Variants in ZNF385D observed in about 807,000 individuals in gnomAD.
ZNF385D encodes the protein zinc finger protein 659.
A neutral mutation model predicts 35.8 loss-of-function variants in ZNF385D; 15 were observed. The observed-to-expected ratio is 0.42, with a 90% CI of 0.28 to 0.64. The LOEUF (loss-of-function observed/expected upper bound fraction) is 0.64, where lower values mean the gene tolerates loss of function less well. ZNF385D is among the 30% of genes least tolerant of loss of function. The pLI is 0.23. For missense variants in ZNF385D, 474 were observed against 494.6 expected (o/e 0.96, Z 0.39); for synonymous variants, 212 against 186.8 (o/e 1.13, Z -1.10).
intron 2 of ZNF385D, among the ~76,000 whole-genome samples, chr3:22,311,889 G>C (rs1330860288): frequency 6.6e-6 from 1 of 152,048 alleles, no homozygotes; most frequent in Admixed American, 6.6e-5. Context: ...ATTTTGTCAA[G>C]TGGCATACTT....
At chr3:21,440,697 T>C (rs1047015271) in intron 4 of ZNF385D, among the ~76,000 whole-genome samples, 4 of 152,182 alleles carry the variant, frequency 2.6e-5, no homozygotes, top group Non-Finnish European at 1.5e-5. Context: ...CTTTCTGATA[T>C]ATTCTTGAAT....
intron 3 of ZNF385D, among the ~76,000 whole-genome samples, chr3:21,848,542 T>TA (rs1696162993): frequency 6.6e-6 from 1 of 151,210 alleles, no homozygotes; most frequent in African/African-American, 2.4e-5. Flanking sequence ...ATATCAGAAG[T>TA]AAAAAGGAGA....
At chr3:21,619,439 T>C (rs1350459721) in intron 2 of ZNF385D, among the ~76,000 whole-genome samples, 1 of 151,878 alleles carries the variant, frequency 6.6e-6, no homozygotes. Context: ...TGTGTGTGTG[T>C]CTATGCATGT....
At chr3:21,511,604 T>C (rs1439142722) in intron 3 of ZNF385D, 1 of 432,712 alleles carries the variant, frequency 2.3e-6, no homozygotes, top group Non-Finnish European at 4.6e-6. Context: ...TTTCAGATTC[T>C]TTCTCCTCAC....
intron 4 of ZNF385D, among the ~76,000 whole-genome samples, chr3:21,481,534 G>GC (rs1266384333): frequency 6.6e-6 from 1 of 152,042 alleles, no homozygotes; most frequent in African/African-American, 2.4e-5. Context: ...CAGATAGCTT[G>GC]TTTTTTTCCT....
intron 1 of ZNF385D, among the ~76,000 whole-genome samples, chr3:21,672,021 C>G (rs1349759079): frequency 6.6e-6 from 1 of 152,088 alleles, no homozygotes; most frequent in African/African-American, 2.4e-5. Context: ...GTCTGCCTCT[C>G]AAATATTCAA....
chr3:21,485,145 A>G (rs1033759558), intron 4 of ZNF385D, among the ~76,000 whole-genome samples: 1 of 152,148 alleles, frequency 6.6e-6, no homozygotes, highest in Admixed American at 6.6e-5. Context: ...GAAACTTTCC[A>G]TGTCCTAAGT....
intron 3 of ZNF385D, among the ~76,000 whole-genome samples, chr3:21,862,293 CT>C (rs5847143): frequency 0.058 from 8,243 of 142,652 alleles, 291 homozygotes; most frequent in Non-Finnish European, 0.079. Flanking sequence ...GATATCTCTA[CT>C]TTTTTTTTTT....
At chr3:21,594,227 C>T (rs1218954791) in intron 2 of ZNF385D, among the ~76,000 whole-genome samples, 1 of 152,184 alleles carries the variant, frequency 6.6e-6, no homozygotes, top group Non-Finnish European at 1.5e-5. Flanking sequence ...ATCATTCACA[C>T]TTATTTTGCA....
intron 3 of ZNF385D, among the ~76,000 whole-genome samples, chr3:22,008,657 G>C (rs560655126): frequency 6.6e-6 from 1 of 151,888 alleles, no homozygotes; most frequent in Admixed American, 6.6e-5. Context: ...CGCCCAGCCC[G>C]GGCCATGCTT....
intron 1 of ZNF385D, among the ~76,000 whole-genome samples, chr3:21,741,177 G>C (rs2069498333): frequency 6.6e-6 from 1 of 152,150 alleles, no homozygotes; most frequent in Non-Finnish European, 1.5e-5. Flanking sequence ...AGGAAACCAA[G>C]AGGTCCATAA....
intron 3 of ZNF385D, among the ~76,000 whole-genome samples, chr3:21,828,366 T>A (rs1392797013): frequency 1.3e-5 from 2 of 152,226 alleles, no homozygotes; most frequent in Admixed American, 1.3e-4. Context: ...ATTTTAAACA[T>A]CTTCTGAATG....
chr3:22,019,621 C>T (rs1697107038), intron 3 of ZNF385D, among the ~76,000 whole-genome samples: 1 of 151,806 alleles, frequency 6.6e-6, no homozygotes, highest in African/African-American at 2.4e-5. Context: ...TTGCAATAAT[C>T]AAAGATTTCT....
chr3:21,858,888 G>A (rs534337843), intron 3 of ZNF385D, among the ~76,000 whole-genome samples: 1 of 152,112 alleles, frequency 6.6e-6, no homozygotes, highest in Admixed American at 6.5e-5. Context: ...ACCTCACAGT[G>A]CCAGTGAATC....
chr3:22,015,229 T>C (rs1696812248), intron 3 of ZNF385D, among the ~76,000 whole-genome samples: 1 of 152,196 alleles, frequency 6.6e-6, no homozygotes, highest in Admixed American at 6.5e-5. Context: ...ATGCGTTTTA[T>C]AGCAGCACTT....
chr3:21,785,521 G>A (rs2071654801), intron 3 of ZNF385D, among the ~76,000 whole-genome samples: 1 of 152,150 alleles, frequency 6.6e-6, no homozygotes, highest in Non-Finnish European at 1.5e-5. Context: ...AACTTGAATA[G>A]CTAAAGCTTT....
At chr3:21,965,293 C>A (rs1033922889) in intron 3 of ZNF385D, among the ~76,000 whole-genome samples, 2 of 152,056 alleles carry the variant, frequency 1.3e-5, no homozygotes, top group African/African-American at 4.8e-5. Context: ...CAAATGAATG[C>A]CACATATTGG....
intron 2 of ZNF385D, among the ~76,000 whole-genome samples, chr3:21,660,624 A>G (rs2066209515): frequency 6.6e-6 from 1 of 152,208 alleles, no homozygotes; most frequent in South Asian, 2.1e-4. Flanking sequence ...GGAAATGGTG[A>G]GACGCTAGGA....
rs1316717781 is a variant in ZNF385D at position 21,525,540 on chromosome 3, C to T, written c.277-14517G>A. ...TCTCTACTAAAAATACAAAATTAGC[C>T]AGGCGTGGTGGTGCATGCCTGTAAT... On this transcript the variant is annotated intron_variant, in intron 3 of 7. Transcript: ENST00000281523. 2.0e-5 allele frequency among the ~76,000 whole-genome samples: 3 copies of T among 151,872 alleles called. No individual in the cohort carries two copies. The South Asian group carries it at 6.2e-4, about 32-fold the overall frequency.
Sources: allele counts gnomAD v4.1 joint callset (sites outside exome capture counted in the v4.1 genomes callset), GRCh38; gene constraint gnomAD v4.1.1; transcripts MANE v1.5; gene names NCBI Gene and HGNC (gene_info 2026-07-23, HGNC 2026-07-21).